Variants in GADL1 observed in about 807,000 individuals in gnomAD.
The protein encoded by GADL1 is GAD like acidic amino acid decarboxylase 1.
GADL1 carries 71 observed loss-of-function variants against 69.5 expected under a neutral mutation model. That is an observed-to-expected ratio of 1.02 (90% CI 0.84 to 1.25). The LOEUF is 1.25. Ranked by LOEUF, GADL1 falls within the 50% of genes most tolerant of loss-of-function variation. The pLI is 0.00. For missense variants in GADL1, 737 were observed against 631.8 expected (o/e 1.17, Z -1.79); for synonymous variants, 254 against 214.4 (o/e 1.18, Z -1.62).
chr3:30,889,206 G>A (rs1355049949), intron 1 of GADL1, among the ~76,000 whole-genome samples: 1 of 151,472 alleles, frequency 6.6e-6, no homozygotes, highest in East Asian at 2.0e-4. Context: ...GTTTTACATG[G>A]TGGGAGGCAA....
intron 1 of GADL1, among the ~76,000 whole-genome samples, chr3:30,865,696 G>A (rs1698392246): frequency 6.6e-6 from 1 of 151,974 alleles, no homozygotes; most frequent in South Asian, 2.1e-4. Context: ...CTGGGTTTCT[G>A]TTCTCTTCAT....
rs150054280 is a variant in GADL1, at chr3:30,807,750, C to T, written c.1051-6662G>A. ...CAGAGGACAATAGTGAATGTGCGGC[C>T]GGGTGCAGTAGTGGCTCATGCCTGT... On this transcript the variant is annotated intron_variant, in intron 11 of 14. Transcript: ENST00000282538. Among the ~76,000 whole-genome samples, 493 of 152,178 alleles carry T rather than the reference C, an allele frequency of 3.2e-3. 4 individuals carry two copies. The highest frequency in any genetic ancestry group is 0.011 in the African/African-American group (463 of 41,518).
chr3:30,844,179 T>C, intron 8 of GADL1, 31 bp downstream of exon 8: 1 of 1,585,028 alleles, frequency 6.3e-7, no homozygotes, highest in Non-Finnish European at 8.6e-7. Context: ...ACACACACGT[T>C]CTCTCTCCCT....
At position 30,857,151 on chromosome 3, in the gene GADL1, C is replaced by G. The variant is rs1046421436; in HGVS notation, c.211-10G>C. On this transcript the variant is annotated splice_polypyrimidine_tract_variant and intron_variant, in intron 2 of 14. Coordinates refer to ENST00000282538, the MANE Select transcript of GADL1 (RefSeq NM_207359.3). The stretch of plus-strand genomic sequence containing the variant: ...GCCTCCATTCACACACCTGGAGATT[C>G]AACCACAACACAAATTGAGTATCCA... 9 of 1,549,262 alleles carry G rather than the reference C, an allele frequency of 5.8e-6. No individual in the cohort carries two copies. In the African/African-American group the frequency reaches 1.2e-4, roughly 21 times the overall value.
intron 11 of GADL1, among the ~76,000 whole-genome samples, chr3:30,823,869 C>T (rs186979153): frequency 2.0e-5 from 3 of 151,938 alleles, no homozygotes; most frequent in Admixed American, 2.0e-4. Flanking sequence ...ATGGCTTTCG[C>T]AGCAGATTAG....
intron 14 of GADL1, among the ~76,000 whole-genome samples, chr3:30,764,419 A>AC (rs1696219840): frequency 6.6e-6 from 1 of 152,128 alleles, no homozygotes; most frequent in African/African-American, 2.4e-5. Context: ...AAACTACAAG[A>AC]CTCCAGTGCA....
chr3:30,831,233 C>A (rs543786121), intron 11 of GADL1, among the ~76,000 whole-genome samples: 2 of 152,094 alleles, frequency 1.3e-5, no homozygotes, highest in Non-Finnish European at 2.9e-5. Context: ...ACTGCTTAAT[C>A]CTTTAGTCTC....
chr3:30,834,186 A>G (rs755572447), intron 10 of GADL1, 31 bp downstream of exon 10: 5 of 1,576,766 alleles, frequency 3.2e-6, no homozygotes, highest in South Asian at 1.1e-5. Flanking sequence ...GCCTGACAAA[A>G]GTTGGCTGTA....
intron 1 of GADL1, among the ~76,000 whole-genome samples, chr3:30,864,235 C>T (rs914986578): frequency 1.2e-4 from 18 of 150,070 alleles, no homozygotes; most frequent in Admixed American, 2.7e-4. Flanking sequence ...TTATTAAGCA[C>T]GCAGAAAAAG....
intron 1 of GADL1, among the ~76,000 whole-genome samples, chr3:30,888,712 G>A (rs996409809): frequency 7.9e-5 from 12 of 152,028 alleles, no homozygotes; most frequent in Non-Finnish European, 1.5e-4. Context: ...AGTCTCAAGG[G>A]CACTCAACAA....
At chr3:30,865,080 C>T (rs1698377949) in intron 1 of GADL1, among the ~76,000 whole-genome samples, 1 of 151,952 alleles carries the variant, frequency 6.6e-6, no homozygotes, top group Non-Finnish European at 1.5e-5. Flanking sequence ...CCTCAAACCT[C>T]ATCTTGTTAC....
chr3:30,894,529 C>G (rs1454744871), intron 1 of GADL1, 49 bp downstream of exon 1: 11 of 1,485,642 alleles, frequency 7.4e-6, no homozygotes, highest in Non-Finnish European at 1.0e-5. Flanking sequence ...GATTAAAACC[C>G]AGACAGGGGA....
chr3:30,872,527 G>A (rs933448103), intron 1 of GADL1, among the ~76,000 whole-genome samples: 2 of 151,816 alleles, frequency 1.3e-5, no homozygotes, highest in East Asian at 3.9e-4. Flanking sequence ...GTAAATAGAA[G>A]GCCTGTTTTT....
intron 11 of GADL1, among the ~76,000 whole-genome samples, chr3:30,802,216 C>A (rs1367603520): frequency 6.6e-6 from 1 of 152,142 alleles, no homozygotes; most frequent in African/African-American, 2.4e-5. Context: ...GTGCTTTCCG[C>A]ATGCAATGAG....
At chr3:30,804,750 T>G (rs1057470830) in intron 11 of GADL1, among the ~76,000 whole-genome samples, 2 of 152,266 alleles carry the variant, frequency 1.3e-5, no homozygotes, top group African/African-American at 4.8e-5. Flanking sequence ...CTGAGGTCTA[T>G]CTTCCTCATT....
chr3:30,740,841 T>A (rs929776067), intron 14 of GADL1, among the ~76,000 whole-genome samples: 2 of 149,564 alleles, frequency 1.3e-5, no homozygotes, highest in Admixed American at 1.3e-4. Flanking sequence ...GCAAGTTATC[T>A]GCTTTTAACT....
chr3:30,832,573 G>A (rs897330708), intron 11 of GADL1, among the ~76,000 whole-genome samples: 16 of 151,958 alleles, frequency 1.1e-4, no homozygotes, highest in Admixed American at 9.8e-4. Flanking sequence ...GATTTAGGTA[G>A]AAAGCAAATG....
At chr3:30,802,692 C>A (rs1163920243) in intron 11 of GADL1, among the ~76,000 whole-genome samples, 1 of 152,108 alleles carries the variant, frequency 6.6e-6, no homozygotes, top group Non-Finnish European at 1.5e-5. Context: ...TACTCTGGAT[C>A]TAAATATATT....
chr3:30,768,557 GA>G (rs1559494042), intron 14 of GADL1, among the ~76,000 whole-genome samples: 8 of 85,034 alleles, frequency 9.4e-5, no homozygotes, highest in Middle Eastern at 5.8e-3. Context: ...GAGGGGGAGA[GA>G]GAAGGGGTGG....
Sources: gnomAD v4.1 joint callset for allele counts (sites outside exome capture counted in the v4.1 genomes callset) on GRCh38, gnomAD v4.1.1 for gene constraint, MANE v1.5 for transcripts, NCBI Gene and HGNC (gene_info 2026-07-23, HGNC 2026-07-21) for gene names.